The following MYO16 variants were observed in gnomAD, a reference collection of about 807,000 sequenced individuals.
MYO16 encodes myosin XVI, also known as unconventional myosin-XVI.
In MYO16, 94 loss-of-function variants were observed where a neutral mutation model predicts 205.3. The ratio of observed to expected loss-of-function variants is 0.46; its 90% CI spans 0.39 to 0.54. The LOEUF (loss-of-function observed/expected upper bound fraction) is 0.54, where lower values mean the gene tolerates loss of function less well. MYO16 is among the 20% of genes least tolerant of loss of function. The pLI, the probability that MYO16 is intolerant of heterozygous loss-of-function variation, is 0.00. For synonymous variants in MYO16, 988 were observed against 954.0 expected, an observed-to-expected ratio of 1.04 and a Z score of -0.66; for missense variants, 2,315 against 2,387.5, an observed-to-expected ratio of 0.97 and a Z score of 0.63.
At chr13:108,972,854 CTT>C (rs557092038) in intron 20 of MYO16, among the ~76,000 whole-genome samples, 1 of 151,486 alleles carries the variant, frequency 6.6e-6, no homozygotes, top group Non-Finnish European at 1.5e-5. Context: ...TGTGGGTTTT[CTT>C]TTTTTGTTTT....
rs527846011 is a variant in MYO16, at chr13:108,824,987, A to G, written c.1097+1709A>G. ...CTGAATTCTTCCAAATGTTTAAAGA[A>G]TTAACGCCAATCTGTCACAAACACT... On this transcript the variant is annotated intron_variant, in intron 9 of 34. Coordinates refer to ENST00000457511, the MANE Select transcript of MYO16 (RefSeq NM_001198950.3). 6.6e-5 allele frequency among the ~76,000 whole-genome samples: 10 copies of G among 152,262 alleles called. No homozygotes were observed. The East Asian group carries it at 1.2e-3, about 18-fold the overall frequency.
chr13:109,023,273 A>C (rs1362386473), intron 23 of MYO16, among the ~76,000 whole-genome samples: 1 of 43,042 alleles, frequency 2.3e-5, no homozygotes, highest in African/African-American at 9.6e-5. Context: ...ACAGATATAA[A>C]TATATATATT....
At chr13:108,766,937 G>C (rs1885795669) in intron 4 of MYO16, among the ~76,000 whole-genome samples, 2 of 152,120 alleles carry the variant, frequency 1.3e-5, no homozygotes, top group African/African-American at 4.8e-5. Flanking sequence ...TGGGTGAGTA[G>C]CTGGGATACA....
chr13:108,855,139 G>A (rs1382553506), intron 10 of MYO16, among the ~76,000 whole-genome samples: 1 of 152,140 alleles, frequency 6.6e-6, no homozygotes, highest in African/African-American at 2.4e-5. Flanking sequence ...TTATCAGTAG[G>A]GAATAAGAAA....
At chr13:108,923,149 A>G (rs1365970796) in intron 16 of MYO16, among the ~76,000 whole-genome samples, 1 of 152,212 alleles carries the variant, frequency 6.6e-6, no homozygotes, top group Non-Finnish European at 1.5e-5. Flanking sequence ...AGGAGCACCT[A>G]GAGTAAGGGC....
chr13:109,086,227 A>T (rs1330363260), intron 27 of MYO16, among the ~76,000 whole-genome samples: 1 of 152,202 alleles, frequency 6.6e-6, no homozygotes, highest in Non-Finnish European at 1.5e-5. Flanking sequence ...GAATTAGGTA[A>T]TTACCAGAGG....
chr13:108,788,115 A>G (rs1321830424), intron 5 of MYO16, among the ~76,000 whole-genome samples: 1 of 152,012 alleles, frequency 6.6e-6, no homozygotes, highest in Non-Finnish European at 1.5e-5. Flanking sequence ...CAATCTTAGA[A>G]TTTTCATTTT....
chr13:108,712,567 T>G, intron 2 of MYO16, 94 bp from the exon 3 acceptor site: 1 of 1,080,790 alleles, frequency 9.3e-7, no homozygotes, highest in Non-Finnish European at 1.4e-6. Flanking sequence ...TCACAGCTGT[T>G]TGCATTTTAG....
At chr13:108,676,309 AT>A (rs1566544052) in intron 2 of MYO16, among the ~76,000 whole-genome samples, 1 of 151,726 alleles carries the variant, frequency 6.6e-6, no homozygotes, top group East Asian at 1.9e-4. Flanking sequence ...AATTTACATT[AT>A]TAAGGAGCGC....
chr13:108,586,743 T>C, the MYO16 span, among the ~76,000 whole-genome samples: 109 of 152,328 alleles, frequency 7.2e-4, no homozygotes, highest in Admixed American at 7.0e-3. Flanking sequence ...AGTGGTGGGA[T>C]TCTTATGCTG....
intron 34 of MYO16, among the ~76,000 whole-genome samples, chr13:109,183,558 A>G (rs933082246): frequency 2.0e-5 from 3 of 152,190 alleles, no homozygotes; most frequent in Non-Finnish European, 4.4e-5. Flanking sequence ...TTATGTTACT[A>G]TTTTAACTCT....
intron 32 of MYO16, among the ~76,000 whole-genome samples, chr13:109,150,016 A>G (rs7987070): frequency 8.9e-4 from 136 of 152,046 alleles, no homozygotes; most frequent in Non-Finnish European, 4.3e-4. Context: ...GTGGACTTCA[A>G]CCTCATAAGT....
chr13:109,201,973 T>TAC lies in MYO16; in HGVS notation c.5416-4622_5416-4621dup, dbSNP rs569241579. Among the ~76,000 whole-genome samples the TAC allele has an allele frequency of 4.8e-3, 719 of 151,286 alleles. 14 individuals are homozygous for TAC. The highest frequency in any genetic ancestry group is 6.0e-3 in the Non-Finnish European group (406 of 67,752). On this transcript the variant is annotated intron_variant, in intron 34 of 34. Transcript: ENST00000457511. ...GTATTCCATCATATATATATATATG[T>TAC]ACACACACACACACATCATATATCT...
intron 16 of MYO16, among the ~76,000 whole-genome samples, chr13:108,928,490 C>T (rs113107514): frequency 0.014 from 2,118 of 152,176 alleles, 58 homozygotes; most frequent in African/African-American, 0.049. Flanking sequence ...TGAAGAGCAA[C>T]ATGGAATTCT....
intron 2 of MYO16, among the ~76,000 whole-genome samples, chr13:108,682,452 A>G (rs571235749): frequency 3.4e-4 from 49 of 145,550 alleles, no homozygotes; most frequent in East Asian, 2.1e-4. Flanking sequence ...GGTGCTTCCC[A>G]TTCACTTGTA....
chr13:108,730,558 G>A (rs144449779), intron 4 of MYO16, among the ~76,000 whole-genome samples: 152 of 152,196 alleles, frequency 1.0e-3, no homozygotes, highest in South Asian at 7.9e-3. Context: ...GGTATCTGGC[G>A]TAACAACATA....
At chr13:108,683,158 CT>C (rs1416578738) in intron 2 of MYO16, among the ~76,000 whole-genome samples, 1 of 152,188 alleles carries the variant, frequency 6.6e-6, no homozygotes, top group Admixed American at 6.5e-5. Flanking sequence ...TTCTGTACGC[CT>C]ACAGGCATTT....
chr13:108,964,816 C>G lies in MYO16; in HGVS notation c.2283C>G (p.Leu761=), dbSNP rs761317772. 10 of 1,613,998 alleles carry G rather than the reference C, an allele frequency of 6.2e-6. No homozygotes were observed. The Admixed American group carries it at 1.3e-4, about 22-fold the overall frequency. Residue 761 remains leucine, a synonymous_variant, in exon 20 of 35, where the codon CTC becomes CTG. Transcript: ENST00000457511. ...TIQIAEFFRD[L]LAKSLYSRLF... ...AGATTGCTGAGTTTTTCCGAGACCT[C>G]TTGGCCAAGTCCCTGTACAGTCGTT...
chr13:108,953,092 TAAAAAAC>T (rs1270480737), intron 16 of MYO16, among the ~76,000 whole-genome samples: 5 of 152,016 alleles, frequency 3.3e-5, no homozygotes, highest in African/African-American at 1.2e-4. Context: ...TTCAAACTGT[TAAAAAAC>T]AAAAAAAGTC....
Sources: gnomAD v4.1 joint callset for allele counts (sites outside exome capture counted in the v4.1 genomes callset) on GRCh38, gnomAD v4.1.1 for gene constraint, MANE v1.5 for transcripts, NCBI Gene and HGNC (gene_info 2026-07-23, HGNC 2026-07-21) for gene names.